CDC42BPA: variants seen among roughly 807,000 people sequenced by gnomAD.
CDC42BPA encodes serine/threonine-protein kinase MRCK alpha.
Under a neutral mutation model 223.5 loss-of-function variants are expected in CDC42BPA, and 80 were observed. The ratio of observed to expected loss-of-function variants is 0.36; its 90% CI spans 0.30 to 0.43. The LOEUF (loss-of-function observed/expected upper bound fraction) is 0.43, where lower values mean the gene tolerates loss of function less well. Among genes scored for constraint, CDC42BPA ranks in the 20% least tolerant of loss-of-function variants. CDC42BPA has a pLI of 1.00. For missense variants in CDC42BPA, 1,743 were observed against 2,099.9 expected (o/e 0.83, Z 3.32); for synonymous variants, 694 against 718.6 (o/e 0.97, Z 0.55).
chr1:227,070,237 A>G (rs1677993978), intron 20 of CDC42BPA, among the ~76,000 whole-genome samples: 1 of 151,934 alleles, frequency 6.6e-6, no homozygotes, highest in Non-Finnish European at 1.5e-5. Context: ...TACTCTTATC[A>G]AAGCACAGAG....
At chr1:227,029,429 C>T (rs898341952) in intron 29 of CDC42BPA, among the ~76,000 whole-genome samples, 179 bp from the exon 30 acceptor site, 3 of 152,094 alleles carry the variant, frequency 2.0e-5, no homozygotes, top group Non-Finnish European at 4.4e-5. Flanking sequence ...ACCTATAGTA[C>T]GTATTAAATT....
intron 21 of CDC42BPA, among the ~76,000 whole-genome samples, chr1:227,052,491 G>C (rs1673723752): frequency 6.6e-6 from 1 of 152,130 alleles, no homozygotes; most frequent in Non-Finnish European, 1.5e-5. Context: ...TGCATCAGTA[G>C]AAAAACCAGC....
chr1:227,112,449 T>C, intron 13 of CDC42BPA, 27 bp from the exon 14 acceptor site: 1 of 1,485,680 alleles, frequency 6.7e-7, no homozygotes, highest in African/African-American at 1.4e-5. Flanking sequence ...AAAATGCAGA[T>C]TTCACGGTTA....
chr1:227,228,064 G>A (rs1322865750), intron 2 of CDC42BPA, among the ~76,000 whole-genome samples: 1 of 151,986 alleles, frequency 6.6e-6, no homozygotes, highest in Non-Finnish European at 1.5e-5. Context: ...GCTGAAAAAT[G>A]AGAACACATG....
At chr1:227,200,505 A>C (rs12086059) in intron 3 of CDC42BPA, among the ~76,000 whole-genome samples, 2,340 of 150,300 alleles carry the variant, frequency 0.016, 62 homozygotes, top group African/African-American at 0.054. Flanking sequence ...TGAATGGTAT[A>C]ATTTTATCCT....
At chr1:227,121,886 C>T (rs540667010) in intron 11 of CDC42BPA, among the ~76,000 whole-genome samples, 98 of 151,424 alleles carry the variant, frequency 6.5e-4, no homozygotes, top group African/African-American at 2.3e-3. Flanking sequence ...CTGCAACCTC[C>T]GCCTTCCAGG....
At chr1:227,253,603 AATAAATAC>A (rs1337068987) in intron 2 of CDC42BPA, among the ~76,000 whole-genome samples, 29 of 109,560 alleles carry the variant, frequency 2.6e-4, no homozygotes, top group Non-Finnish European at 4.8e-4. Context: ...CTCAAAAATA[AATAAATAC>A]ATACATACAT....
chr1:227,141,120 T>C (rs982529565), intron 9 of CDC42BPA, among the ~76,000 whole-genome samples: 1 of 152,186 alleles, frequency 6.6e-6, no homozygotes, highest in Non-Finnish European at 1.5e-5. Context: ...TGACAAGTGA[T>C]CATTAGATTT....
intron 7 of CDC42BPA, among the ~76,000 whole-genome samples, chr1:227,146,060 G>A (rs1338876054): frequency 6.6e-6 from 1 of 152,082 alleles, no homozygotes; most frequent in Non-Finnish European, 1.5e-5. Context: ...AATCAAGATA[G>A]ATGATTGATA....
At chr1:227,107,295 G>A (rs1396213885) in intron 14 of CDC42BPA, among the ~76,000 whole-genome samples, 1 of 152,154 alleles carries the variant, frequency 6.6e-6, no homozygotes, top group Admixed American at 6.5e-5. Context: ...AGATGCAATT[G>A]TTAAGTGGAA....
chr1:227,133,096 GC>G (rs71179194), intron 10 of CDC42BPA, among the ~76,000 whole-genome samples: 1 of 141,420 alleles, frequency 7.1e-6, no homozygotes, highest in African/African-American at 2.7e-5. Flanking sequence ...GGGGGGGTCA[GC>G]CCCCCGCCCG....
At chr1:227,024,442 C>G (rs1451320822) in intron 31 of CDC42BPA, among the ~76,000 whole-genome samples, 2 of 152,148 alleles carry the variant, frequency 1.3e-5, no homozygotes, top group Non-Finnish European at 2.9e-5. Context: ...TATGTCCCAT[C>G]AATTCTGCTC....
chr1:227,161,449 TA>T (rs1430092293), intron 5 of CDC42BPA, among the ~76,000 whole-genome samples: 4 of 152,238 alleles, frequency 2.6e-5, no homozygotes, highest in East Asian at 1.9e-4. Flanking sequence ...ATATATTTTT[TA>T]AAAAATTACA....
At chr1:227,040,065 G>T in intron 24 of CDC42BPA, 66 bp downstream of exon 24, 1 of 980,540 alleles carries the variant, frequency 1.0e-6, no homozygotes, top group Non-Finnish European at 1.6e-6. Flanking sequence ...ACCTTTGAAA[G>T]AGAATCAACT....
At chr1:227,122,961 G>C (rs1428685943) in intron 11 of CDC42BPA, among the ~76,000 whole-genome samples, 11 of 152,182 alleles carry the variant, frequency 7.2e-5, no homozygotes, top group Admixed American at 7.2e-4. Flanking sequence ...AATTAGCCAT[G>C]ACATTTAGAT....
chr1:226,996,902 A>G (rs1371526368), intron 35 of CDC42BPA, among the ~76,000 whole-genome samples: 1 of 152,122 alleles, frequency 6.6e-6, no homozygotes, highest in Non-Finnish European at 1.5e-5. Context: ...CATCAGGGAT[A>G]TTGGCTTGAA....
Position 227,112,759 on chromosome 1 carries a change from C to T in CDC42BPA, c.1802G>A (p.Arg601Gln), listed in dbSNP as rs754947527. The T allele has an allele frequency of 3.0e-5, 48 of 1,613,926 alleles. No individual in the cohort carries two copies. The East Asian group carries it at 4.0e-4, about 13-fold the overall frequency. Residue 601 changes from arginine to glutamine, a missense_variant, in exon 13 of 37, where the codon CGA (arginine) becomes CAA (glutamine). By Grantham distance (43) the Arg-to-Gln change is conservative (BLOSUM62 1). Transcript: ENST00000366766. ...CAGGTCCACCTCTTCTTCCTTATCT[C>T]GGACATGGCGAGCAAGTTTCTGTTT... ...TQKQKLARHV[R>Q]DKEEEVDLVM...
intron 2 of CDC42BPA, among the ~76,000 whole-genome samples, chr1:227,251,878 A>G (rs1258152595): frequency 1.3e-5 from 2 of 152,160 alleles, no homozygotes; most frequent in Non-Finnish European, 2.9e-5. Flanking sequence ...AAATTACATT[A>G]TAACTCAATA....
chr1:226,994,217 G>A lies in CDC42BPA; in HGVS notation c.*51C>T, dbSNP rs988829523. ...GTGGAGGGAAGAGATGAAAGTGAGA[G>A]GAGGCGAGTGGCAGGGAGCGGAGAG... On this transcript the variant is annotated 3_prime_UTR_variant, in exon 37 of 37. Transcript: ENST00000366766. This position sits in a 1 kb window ranked among gnomAD's most constrained non-coding sequence, Gnocchi z 4.0. 3.3e-6 allele frequency: 5 copies of A among 1,531,950 alleles called. No homozygotes were observed. The African/African-American group carries it at 4.1e-5, about 13-fold the overall frequency. 94.9% of individuals were successfully genotyped at this position (1,531,950 alleles called of 1,614,324 possible).
Sources: allele counts gnomAD v4.1 joint callset (sites outside exome capture counted in the v4.1 genomes callset), GRCh38; gene constraint gnomAD v4.1.1; non-coding constraint Gnocchi (gnomAD v3.1); transcripts MANE v1.5; gene names NCBI Gene and HGNC (gene_info 2026-07-23, HGNC 2026-07-21).